Variants in FHIT observed in about 807,000 individuals in gnomAD.
FHIT encodes the protein fragile histidine triad diadenosine triphosphatase.
A neutral mutation model predicts 17.9 loss-of-function variants in FHIT; 19 were observed. The observed-to-expected ratio is 1.06, with a 90% confidence interval of 0.74 to 1.56. The LOEUF is 1.56. Among genes scored for constraint, FHIT ranks in the 40% most tolerant of loss-of-function variants. The probability of loss-of-function intolerance (pLI) is 0.00; values close to 1 mark genes in which losing one functional copy is unlikely to be tolerated. For synonymous variants in FHIT, 81 were observed against 69.7 expected, an observed-to-expected ratio of 1.16 and a Z score of -0.81; for missense variants, 248 against 189.2, an observed-to-expected ratio of 1.31 and a Z score of -1.82.
At chr3:60,123,190 C>G (rs1576150752) in intron 5 of FHIT, among the ~76,000 whole-genome samples, 1 of 152,110 alleles carries the variant, frequency 6.6e-6, no homozygotes, top group Non-Finnish European at 1.5e-5. Flanking sequence ...CAGTTGGACA[C>G]TTGTTCATTT....
chr3:61,058,049 T>C (rs1208049972), intron 2 of FHIT, among the ~76,000 whole-genome samples: 1 of 151,258 alleles, frequency 6.6e-6, no homozygotes, highest in Non-Finnish European at 1.5e-5. Context: ...TTCTTTAATA[T>C]CACAGAAAAA....
intron 4 of FHIT, among the ~76,000 whole-genome samples, chr3:60,581,643 C>T (rs868940406): frequency 6.6e-6 from 1 of 151,946 alleles, no homozygotes; most frequent in Admixed American, 6.6e-5. Flanking sequence ...CATGTATATG[C>T]ATAAGGCTAA....
chr3:60,371,423 T>C (rs901879566), intron 5 of FHIT, among the ~76,000 whole-genome samples: 8 of 151,862 alleles, frequency 5.3e-5, no homozygotes, highest in African/African-American at 1.9e-4. Flanking sequence ...ACAGGCGACA[T>C]CATAACTCAC....
chr3:59,875,351 G>C (rs1263994185), intron 8 of FHIT, among the ~76,000 whole-genome samples: 2 of 152,168 alleles, frequency 1.3e-5, no homozygotes, highest in African/African-American at 4.8e-5. Context: ...CCATCTCCCA[G>C]GGAAGACATT....
chr3:60,128,395 G>A (rs1166639700), intron 5 of FHIT, among the ~76,000 whole-genome samples: 1 of 152,132 alleles, frequency 6.6e-6, no homozygotes, highest in Non-Finnish European at 1.5e-5. Flanking sequence ...CGTGAAGAAG[G>A]ACATGTTTGC....
intron 5 of FHIT, among the ~76,000 whole-genome samples, chr3:60,476,099 G>T (rs1242031585): frequency 6.6e-6 from 1 of 152,172 alleles, no homozygotes; most frequent in East Asian, 1.9e-4. Flanking sequence ...AAAACTGATG[G>T]CTGTGCAGTC....
In FHIT at chr3:61,002,864, A is replaced by G. The variant is rs554270413; in HGVS notation, c.-111+39183T>C. Among the ~76,000 whole-genome samples, 22 of 152,022 alleles carry G rather than the reference A, an allele frequency of 1.4e-4. 1 individual carries two copies. Among genetic ancestry groups the G allele is most frequent in the Admixed American group, 2.6e-4 (4 of 15,266 alleles). ...TACTCCCGGCCCAATTTCCTGCTCC[A>G]TACCCCTTCTGATAGTTGCTTGCCT... On this transcript the variant is annotated intron_variant, in intron 3 of 9. Transcript: ENST00000492590.
intron 5 of FHIT, among the ~76,000 whole-genome samples, chr3:60,101,310 C>T (rs1355095312): frequency 1.3e-5 from 2 of 152,240 alleles, no homozygotes; most frequent in African/African-American, 4.8e-5. Context: ...CCACCTCGGG[C>T]CACTCTCCCT....
At chr3:59,896,838 A>G (rs1704093938) in intron 8 of FHIT, among the ~76,000 whole-genome samples, 1 of 152,162 alleles carries the variant, frequency 6.6e-6, no homozygotes, top group East Asian at 1.9e-4. Context: ...GTATGACATT[A>G]CTGACGAAAT....
chr3:60,056,419 C>T (rs1437754129), intron 5 of FHIT, among the ~76,000 whole-genome samples: 2 of 152,226 alleles, frequency 1.3e-5, no homozygotes, highest in Non-Finnish European at 2.9e-5. Context: ...ATTTGCACCA[C>T]CCTGTCCCGA....
intron 3 of FHIT, among the ~76,000 whole-genome samples, chr3:61,031,050 T>C (rs891841520): frequency 6.6e-6 from 1 of 152,200 alleles, no homozygotes; most frequent in East Asian, 1.9e-4. Flanking sequence ...TTGCAGTGTT[T>C]TGAGCAGACA....
chr3:59,761,658 G>A (rs779897547), intron 8 of FHIT, among the ~76,000 whole-genome samples: 13 of 151,762 alleles, frequency 8.6e-5, no homozygotes, highest in Non-Finnish European at 1.6e-4. Flanking sequence ...CCAGGCTGGA[G>A]TGCAGTGGCA....
intron 5 of FHIT, among the ~76,000 whole-genome samples, chr3:60,125,325 A>C (rs1705491391): frequency 6.6e-6 from 1 of 152,158 alleles, no homozygotes; most frequent in South Asian, 2.1e-4. Context: ...AAATTGTGCA[A>C]ATTAATTTTT....
chr3:60,382,602 C>G (rs1258867594), intron 5 of FHIT, among the ~76,000 whole-genome samples: 3 of 152,144 alleles, frequency 2.0e-5, no homozygotes, highest in Admixed American at 6.5e-5. Flanking sequence ...ACTGTTGATT[C>G]TTGTCAAGTA....
intron 5 of FHIT, among the ~76,000 whole-genome samples, chr3:60,390,840 A>G (rs1701200910): frequency 6.6e-6 from 1 of 152,214 alleles, no homozygotes; most frequent in African/African-American, 2.4e-5. Flanking sequence ...ATGTTATTAC[A>G]AGAGTGTCAG....
intron 5 of FHIT, among the ~76,000 whole-genome samples, chr3:60,022,779 T>A (rs1320595678): frequency 2.0e-5 from 3 of 152,182 alleles, no homozygotes; most frequent in Non-Finnish European, 2.9e-5. Context: ...TTAGCGTGTA[T>A]ACCAAGTACC....
intron 5 of FHIT, among the ~76,000 whole-genome samples, chr3:60,122,441 G>T (rs888000626): frequency 6.6e-6 from 1 of 152,118 alleles, no homozygotes; most frequent in Non-Finnish European, 1.5e-5. Context: ...TAGGAATTCA[G>T]GATACATGAA....
intron 8 of FHIT, among the ~76,000 whole-genome samples, chr3:59,872,430 G>A (rs1165076874): frequency 1.3e-5 from 2 of 152,144 alleles, no homozygotes; most frequent in African/African-American, 4.8e-5. Context: ...AACATGCCAC[G>A]TGCTCATGTT....
At chr3:60,200,459 C>A (rs1400445257) in intron 5 of FHIT, among the ~76,000 whole-genome samples, 2 of 152,188 alleles carry the variant, frequency 1.3e-5, no homozygotes. Context: ...ATATCCCTGG[C>A]ATTTTCCTAT....
Sources: allele counts gnomAD v4.1 joint callset (sites outside exome capture counted in the v4.1 genomes callset), GRCh38; gene constraint gnomAD v4.1.1; transcripts MANE v1.5; gene names NCBI Gene and HGNC (gene_info 2026-07-23, HGNC 2026-07-21).